The following NIPSNAP1 variants were observed in gnomAD, a reference collection of about 807,000 sequenced individuals.
The protein encoded by NIPSNAP1 is nipsnap homolog 1, also known as protein NipSnap homolog 1.
In NIPSNAP1, 25 loss-of-function variants were observed where a neutral mutation model predicts 49.2. That is an observed-to-expected ratio of 0.51 (90% CI 0.37 to 0.71). The LOEUF (loss-of-function observed/expected upper bound fraction) is 0.71. Ranked by LOEUF, NIPSNAP1 falls within the 30% of genes least tolerant of loss-of-function variation. The pLI, the probability that NIPSNAP1 is intolerant of heterozygous loss-of-function variation, is 0.00. For synonymous variants in NIPSNAP1, 143 were observed against 140.7 expected (o/e 1.02, Z -0.12); for missense variants, 294 against 361.0 (o/e 0.81, Z 1.50).
At chr22:29,565,231 G>T (rs755667723) in intron 4 of NIPSNAP1, among the ~76,000 whole-genome samples, 1 of 151,774 alleles carries the variant, frequency 6.6e-6, no homozygotes, top group Non-Finnish European at 1.5e-5. Context: ...GAAGAAAAAG[G>T]CCAGGGGCAG....
chr22:29,555,796 T>G lies in NIPSNAP1; in HGVS notation c.*139A>C. On this transcript the variant is annotated 3_prime_UTR_variant, in exon 10 of 10. Coordinates refer to ENST00000216121, the MANE Select transcript of NIPSNAP1 (RefSeq NM_003634.4). The stretch of plus-strand genomic sequence containing the variant: ...TCCTCAGAACTTGTCAGCCTTCAGT[T>G]CCCCCTTGTCTGAACTGAGCACTGC... 2 of 774,942 alleles carry G rather than the reference T, an allele frequency of 2.6e-6. No individual in the cohort carries two copies. Among genetic ancestry groups the G allele is most frequent in the Non-Finnish European group, 2.3e-6 (1 of 441,558 alleles). The allele number at this position is 774,942 out of a possible 1,614,324, so 48.0% of individuals were successfully genotyped here.
intron 4 of NIPSNAP1, among the ~76,000 whole-genome samples, chr22:29,568,796 A>C (rs1410343553): frequency 6.6e-6 from 1 of 151,834 alleles, no homozygotes; most frequent in Non-Finnish European, 1.5e-5. Flanking sequence ...TCAGTCTCGG[A>C]AAAAAAAAGA....
intron 4 of NIPSNAP1, among the ~76,000 whole-genome samples, chr22:29,563,834 GGAACACTAA>G (rs1307168486): frequency 3.3e-5 from 5 of 152,098 alleles, no homozygotes; most frequent in Non-Finnish European, 7.4e-5. Context: ...TACAAGCCAA[GGAACACTAA>G]GAGTTTCCAG....
rs368247073 is a variant in NIPSNAP1 at position 29,574,283 on chromosome 22, A to AGAAAG, written c.99-3752_99-3751insCTTTC. ...TCACAAAAAAAAAAAAAAAAAAAAA[A>AGAAAG]AAAAAAAAAGAAAGAAAAAGAAAAG... is the stretch of plus-strand genomic sequence containing the variant. On this transcript the variant is annotated intron_variant, in intron 1 of 9. Coordinates refer to ENST00000216121, the MANE Select transcript of NIPSNAP1 (RefSeq NM_003634.4). 7.0e-4 allele frequency among the ~76,000 whole-genome samples: 78 copies of AGAAAG among 111,244 alleles called. 5 individuals carry two copies. The highest frequency in any genetic ancestry group is 1.1e-3 in the East Asian group (4 of 3,518). The allele number at this position is 111,244 out of a possible 152,430, so 73.0% of individuals were successfully genotyped here. A position where few individuals can be genotyped will look rare whatever the true frequency, so the allele number is the denominator to read the frequency against.
chr22:29,578,573 G>A (rs943577419), intron 1 of NIPSNAP1, among the ~76,000 whole-genome samples: 2 of 151,298 alleles, frequency 1.3e-5, no homozygotes, highest in African/African-American at 4.9e-5. Context: ...CCCTACTAGT[G>A]ACTCTGGAGA....
At chr22:29,562,927 G>A (rs1288084438) in intron 4 of NIPSNAP1, among the ~76,000 whole-genome samples, 3 of 150,306 alleles carry the variant, frequency 2.0e-5, no homozygotes, top group Non-Finnish European at 3.0e-5. Context: ...GTGAAACCCC[G>A]TCTCTACTAA....
At chr22:29,562,960 G>A (rs572355143) in intron 4 of NIPSNAP1, among the ~76,000 whole-genome samples, 2 of 152,128 alleles carry the variant, frequency 1.3e-5, no homozygotes, top group South Asian at 2.1e-4. Context: ...TTAGCCAGGC[G>A]TGGTGGCGGG....
At position 29,580,969 on chromosome 22, in the gene NIPSNAP1, C is replaced by T; in HGVS notation, c.98+16G>A. The T allele has an allele frequency of 6.5e-7, 1 of 1,527,090 alleles. No individual in the cohort carries two copies. The highest frequency in any genetic ancestry group is 8.8e-7 in the Non-Finnish European group (1 of 1,142,696). The allele number at this position is 1,527,090 out of a possible 1,614,324, so 94.6% of individuals were successfully genotyped here. ...CCACCCCGCGCGCGTCTATCCCTGC[C>T]TGGCCGGGCTCTCACCGCGCCGCAG... On this transcript the variant is annotated intron_variant, in intron 1 of 9. Transcript: ENST00000216121.
Position 29,555,517 on chromosome 22 carries a change from T to C in NIPSNAP1, c.*418A>G. The stretch of plus-strand genomic sequence containing the variant: ...GGCCCAGTGGAAACCAGGGAATTCC[T>C]GAGGGCCTGGCCTGGCCTCCTCTCT... On this transcript the variant is annotated 3_prime_UTR_variant, in exon 10 of 10. Transcript: ENST00000216121. The C allele has an allele frequency of 4.7e-6, 1 of 210,756 alleles. No homozygotes were observed. The highest frequency in any genetic ancestry group is 9.9e-6 in the Non-Finnish European group (1 of 100,924). 13.1% of individuals were successfully genotyped at this position (210,756 alleles called of 1,614,324 possible). A position where few individuals can be genotyped will look rare whatever the true frequency, so the allele number is the denominator to read the frequency against.
intron 3 of NIPSNAP1, 104 bp from the exon 4 acceptor site, chr22:29,569,391 C>A (rs2064390711): frequency 1.2e-6 from 1 of 810,174 alleles, no homozygotes; most frequent in East Asian, 2.7e-5. Context: ...GGGCCTCAGA[C>A]TCTCCATCTC....
intron 4 of NIPSNAP1, among the ~76,000 whole-genome samples, chr22:29,568,512 G>C (rs373021092): frequency 1.3e-4 from 20 of 149,414 alleles, no homozygotes; most frequent in African/African-American, 4.7e-4. Flanking sequence ...AAAAAAAAAG[G>C]CCGGGTGCGG....
intron 1 of NIPSNAP1, chr22:29,580,265 T>G (rs1386459334): frequency 7.8e-7 from 1 of 1,275,572 alleles, no homozygotes; most frequent in Admixed American, 2.4e-5. Context: ...TACAGGGCTG[T>G]GGGGACCAAG....
chr22:29,562,027 G>T (rs1294720888), intron 4 of NIPSNAP1, among the ~76,000 whole-genome samples, 165 bp from the exon 5 acceptor site: 1 of 152,116 alleles, frequency 6.6e-6, no homozygotes, highest in Admixed American at 6.5e-5. Flanking sequence ...CCATGCTGGG[G>T]AGGGGATGAC....
intron 1 of NIPSNAP1, among the ~76,000 whole-genome samples, chr22:29,579,124 G>A (rs923399998): frequency 1.3e-5 from 2 of 150,698 alleles, no homozygotes; most frequent in African/African-American, 5.0e-5. Flanking sequence ...CCGGGTTGGA[G>A]TGCAGTAGCG....
intron 8 of NIPSNAP1, 78 bp downstream of exon 8, chr22:29,560,642 CTATGAGGACACTAA>C: frequency 1.0e-6 from 1 of 966,798 alleles, no homozygotes; most frequent in Non-Finnish European, 1.7e-6. Context: ...ACATTAAGTT[CTATGAGGACACTAA>C]TACAACCCCA....
chr22:29,555,753 G>A lies in NIPSNAP1; in HGVS notation c.*182C>T. The stretch of plus-strand genomic sequence containing the variant: ...GAGGCAGGCAGGGAAAGTAGAAAGG[G>A]CCTGGGCAGAGCTGTAATCCTCAGA... On this transcript the variant is annotated 3_prime_UTR_variant, in exon 10 of 10. Transcript: ENST00000216121. 1.5e-6 allele frequency: 1 copy of A among 657,306 alleles called. No homozygotes were observed. 40.7% of individuals were successfully genotyped at this position (657,306 alleles called of 1,614,324 possible). A position where few individuals can be genotyped will look rare whatever the true frequency, so the allele number is the denominator to read the frequency against.
intron 4 of NIPSNAP1, among the ~76,000 whole-genome samples, chr22:29,568,653 G>A (rs568543359): frequency 5.3e-5 from 8 of 151,878 alleles, no homozygotes; most frequent in South Asian, 2.1e-4. Context: ...TTAGCTGGGC[G>A]TGGTGGCACA....
intron 9 of NIPSNAP1, among the ~76,000 whole-genome samples, chr22:29,557,743 A>C (rs1383983263): frequency 6.6e-6 from 1 of 152,188 alleles, no homozygotes; most frequent in African/African-American, 2.4e-5. Flanking sequence ...GACCACACTG[A>C]ATAGCAAGGC....
At chr22:29,564,875 T>G (rs1340097172) in intron 4 of NIPSNAP1, among the ~76,000 whole-genome samples, 1 of 152,034 alleles carries the variant, frequency 6.6e-6, no homozygotes, top group Non-Finnish European at 1.5e-5. Context: ...GTACAAAAAA[T>G]GTAGGGTATG....
Sources: gnomAD v4.1 joint callset for allele counts (sites outside exome capture counted in the v4.1 genomes callset) on GRCh38, gnomAD v4.1.1 for gene constraint, MANE v1.5 for transcripts, NCBI Gene and HGNC (gene_info 2026-07-23, HGNC 2026-07-21) for gene names.